INVS: variants seen among roughly 807,000 people sequenced by gnomAD.
INVS encodes inversin.
In INVS, 86 loss-of-function variants were observed where a neutral mutation model predicts 108.8. The observed-to-expected ratio is 0.79, with a 90% confidence interval of 0.66 to 0.95. The LOEUF (loss-of-function observed/expected upper bound fraction) is 0.95. Ranked by LOEUF, INVS falls within the 40% of genes least tolerant of loss-of-function variation. The pLI, the probability that INVS is intolerant of heterozygous loss-of-function variation, is 0.00. For synonymous variants in INVS, 455 were observed against 473.5 expected (o/e 0.96, Z 0.51); for missense variants, 1,169 against 1,297.4 (o/e 0.90, Z 1.52).
chr9:100,144,973 A>G (rs1303264899), intron 3 of INVS, among the ~76,000 whole-genome samples: 3 of 152,174 alleles, frequency 2.0e-5, no homozygotes, highest in Non-Finnish European at 4.4e-5. Flanking sequence ...TTTTACAACA[A>G]GAATTATCTA....
chr9:100,190,659 A>G (rs935832975), intron 3 of INVS, among the ~76,000 whole-genome samples: 1 of 152,086 alleles, frequency 6.6e-6, no homozygotes, highest in African/African-American at 2.4e-5. Context: ...TTGGCTGACA[A>G]TTATTCTGTT....
At chr9:100,294,547 G>A (rs773457963) in intron 14 of INVS, among the ~76,000 whole-genome samples, 1 of 152,170 alleles carries the variant, frequency 6.6e-6, no homozygotes, top group Non-Finnish European at 1.5e-5. Flanking sequence ...TCATGACAGG[G>A]AGCAGTATCC....
chr9:100,231,006 A>G (rs1428836715), intron 5 of INVS, among the ~76,000 whole-genome samples: 1 of 152,208 alleles, frequency 6.6e-6, no homozygotes, highest in African/African-American at 2.4e-5. Context: ...ATATATATTT[A>G]ACTGGTTGTT....
At chr9:100,298,079 CA>C (rs1256578230) in intron 16 of INVS, 69 bp downstream of exon 16, 1 of 1,611,290 alleles carries the variant, frequency 6.2e-7, no homozygotes, top group Middle Eastern at 1.7e-4. Flanking sequence ...GTTTCATCCC[CA>C]AAGACAGAAG....
chr9:100,298,320 T>C (rs1833851259), intron 16 of INVS: 2 of 1,252,820 alleles, frequency 1.6e-6, no homozygotes, highest in Non-Finnish European at 2.0e-6. Context: ...AAGGAATACC[T>C]TGGGAATCCT....
chr9:100,238,843 G>A (rs1479857295), intron 5 of INVS, among the ~76,000 whole-genome samples: 2 of 152,160 alleles, frequency 1.3e-5, no homozygotes, highest in Admixed American at 6.5e-5. Flanking sequence ...TAAAGATCCA[G>A]TAGAAAAATT....
chr9:100,300,742 G>A lies in INVS; in HGVS notation c.*68G>A. 1 of 1,124,746 alleles carries A rather than the reference G, an allele frequency of 8.9e-7. No individual in the cohort carries two copies. The highest frequency in any genetic ancestry group is 2.4e-5 in the East Asian group (1 of 41,516). The allele number at this position is 1,124,746 out of a possible 1,614,324, so 69.7% of individuals were successfully genotyped here. On this transcript the variant is annotated 3_prime_UTR_variant, in exon 17 of 17. Transcript: ENST00000262457. Reference sequence around the variant, plus strand: ...TAGTGCAGAGTTCAGATTTTCTGCTGATAATCTTTTACACCTTGGGAAAAC... The same window carrying A: ...TAGTGCAGAGTTCAGATTTTCTGCTAATAATCTTTTACACCTTGGGAAAAC...
In INVS at chr9:100,229,923, A is replaced by G. The variant is rs111948281; in HGVS notation, c.615+96A>G. Reference sequence around the variant, plus strand: ...AAAAGTGTATATTTGACGTACAAGCAAATTATTAAGCAAAAGAATACAACA... The same window carrying G: ...AAAAGTGTATATTTGACGTACAAGCGAATTATTAAGCAAAAGAATACAACA... On this transcript the variant is annotated intron_variant, in intron 5 of 16. Transcript: ENST00000262457. The G allele has an allele frequency of 4.5e-5, 53 of 1,188,410 alleles. No homozygotes were observed. In the African/African-American group the frequency reaches 7.0e-4, roughly 16 times the overall value. 73.6% of individuals were successfully genotyped at this position (1,188,410 alleles called of 1,614,324 possible).
At chr9:100,278,283 C>G (rs1171186622) in intron 12 of INVS, among the ~76,000 whole-genome samples, 1 of 149,348 alleles carries the variant, frequency 6.7e-6, no homozygotes, top group Non-Finnish European at 1.5e-5. Flanking sequence ...TCTCTGAGAT[C>G]TCTTCTGAGT....
intron 1 of INVS, among the ~76,000 whole-genome samples, chr9:100,103,932 T>C (rs1564114039): frequency 6.6e-6 from 1 of 152,218 alleles, no homozygotes; most frequent in Non-Finnish European, 1.5e-5. Context: ...ATACTCTTTT[T>C]GTGGATCGGG....
At chr9:100,173,019 T>C (rs1829590396) in intron 3 of INVS, among the ~76,000 whole-genome samples, 1 of 152,014 alleles carries the variant, frequency 6.6e-6, no homozygotes, top group Non-Finnish European at 1.5e-5. Flanking sequence ...ACCATTGTCT[T>C]AGAATAACTT....
intron 3 of INVS, among the ~76,000 whole-genome samples, chr9:100,223,512 A>G (rs1831213901): frequency 6.6e-6 from 1 of 152,228 alleles, no homozygotes; most frequent in Non-Finnish European, 1.5e-5. Context: ...GCCAGGAACT[A>G]TGCTGAGCAC....
At chr9:100,178,672 A>C (rs1415396325) in intron 3 of INVS, among the ~76,000 whole-genome samples, 2 of 152,244 alleles carry the variant, frequency 1.3e-5, no homozygotes, top group Admixed American at 6.5e-5. Context: ...TGATTGGTGT[A>C]CCTGAAAGTG....
At chr9:100,114,408 T>C (rs1827444567) in intron 2 of INVS, among the ~76,000 whole-genome samples, 1 of 139,704 alleles carries the variant, frequency 7.2e-6, no homozygotes, top group African/African-American at 2.7e-5. Flanking sequence ...TTTTTTTTTT[T>C]TTTTTTTTTT....
intron 7 of INVS, among the ~76,000 whole-genome samples, chr9:100,246,184 GGAAA>G (rs956535329): frequency 8.7e-5 from 13 of 150,152 alleles, no homozygotes; most frequent in South Asian, 6.3e-4. Context: ...AAGAAAAGAA[GGAAA>G]GAAAGAAAGA....
chr9:100,293,335 G>A (rs1391856402), intron 14 of INVS, among the ~76,000 whole-genome samples: 1 of 152,172 alleles, frequency 6.6e-6, no homozygotes, highest in Admixed American at 6.5e-5. Context: ...AGCTCTAACA[G>A]GTTATGTGAC....
intron 15 of INVS, 79 bp downstream of exon 15, chr9:100,297,225 A>G: frequency 8.9e-7 from 1 of 1,117,868 alleles, no homozygotes; most frequent in East Asian, 2.5e-5. Context: ...GAATTTAATT[A>G]CATTGGGTAA....
intron 3 of INVS, chr9:100,129,848 G>A (rs1278697996): frequency 2.1e-6 from 1 of 466,264 alleles, no homozygotes; most frequent in East Asian, 3.2e-5. Flanking sequence ...CCAGGCTGAA[G>A]AAACTGAGGC....
rs1333414952 is a variant in INVS, at chr9:100,284,532, T to G, written c.1997T>G (p.Leu666Arg). The change falls in exon 13 of 17, where the codon CTA (leucine) becomes CGA (arginine). Residue 666 changes from leucine (L) to arginine (R), a missense_variant. This residue lies in a region of INVS where 533 missense variants were observed against 536.0 expected (regional missense o/e 0.99). Coordinates refer to ENST00000262457, the MANE Select transcript of INVS (RefSeq NM_014425.5). ...RDSRGSPGGS[L>R]GGALQKEQHV... is the part of the protein sequence containing the mutation. ...AGCAGAGGATCTCCAGGAGGGTCTC[T>G]AGGCGGAGCCCTCCAGAAGGAGCAG... is the stretch of plus-strand genomic sequence containing the variant. 8.1e-6 allele frequency: 13 copies of G among 1,613,888 alleles called. No individual in the cohort carries two copies. Among genetic ancestry groups the G allele is most frequent in the Non-Finnish European group, 1.1e-5 (13 of 1,179,918 alleles).
Sources: allele counts gnomAD v4.1 joint callset (sites outside exome capture counted in the v4.1 genomes callset), GRCh38; gene constraint gnomAD v4.1.1; regional missense constraint gnomAD v4.1.1; transcripts MANE v1.5; gene names NCBI Gene and HGNC (gene_info 2026-07-23, HGNC 2026-07-21).